Variants in HMGN5 observed in about 807,000 individuals in gnomAD.
HMGN5 encodes high mobility group nucleosome binding domain 5, also known as high mobility group nucleosome-binding domain-containing protein 5.
Under a neutral mutation model 9.5 loss-of-function variants are expected in HMGN5, and 4 were observed. That is an observed-to-expected ratio of 0.42 (90% CI 0.21 to 0.96). The LOEUF is 0.96. HMGN5 is among the 40% of genes least tolerant of loss of function. The pLI is 0.30. For synonymous variants in HMGN5, 55 were observed against 57.1 expected (o/e 0.96, Z 0.16); for missense variants, 192 against 187.5 (o/e 1.02, Z -0.14).
At chrX:81,163,656 A>C (rs1428112162) in intron 1 of HMGN5, among the ~76,000 whole-genome samples, 1 of 111,989 alleles carries the variant, frequency 8.9e-6, no homozygotes, top group Non-Finnish European at 1.9e-5. Context: ...AGTATTCTTC[A>C]ACCTTTCTAC....
intron 1 of HMGN5, among the ~76,000 whole-genome samples, chrX:81,186,705 T>G (rs2075478387): frequency 9.0e-6 from 1 of 111,415 alleles, no homozygotes; most frequent in Non-Finnish European, 1.9e-5. Context: ...ATTTTTTGGG[T>G]ACATAGTAGG....
chrX:81,163,749 G>C (rs1315501293), intron 1 of HMGN5, among the ~76,000 whole-genome samples: 1 of 111,487 alleles, frequency 9.0e-6, no homozygotes, highest in African/African-American at 3.3e-5. Context: ...AAGGATAAGA[G>C]GTATACATAA....
At chrX:81,148,928 A>T (rs184608560) in intron 1 of HMGN5, among the ~76,000 whole-genome samples, 2 of 112,178 alleles carry the variant, frequency 1.8e-5, no homozygotes, top group East Asian at 2.8e-4. Flanking sequence ...CCACAATGAG[A>T]TACCATTTCA....
intron 3 of HMGN5, 152 bp downstream of exon 3, chrX:81,119,636 C>T (rs1277888037): frequency 5.0e-6 from 2 of 398,923 alleles, no homozygotes; most frequent in Non-Finnish European, 8.7e-6. Flanking sequence ...TTCTGAAATT[C>T]GGATATATAT....
chrX:81,115,266 C>T, intron 6 of HMGN5, 36 bp from the exon 7 acceptor site: 2 of 1,110,774 alleles, frequency 1.8e-6, no homozygotes, highest in Non-Finnish European at 2.4e-6. Context: ...AAGATTCTGT[C>T]TGTAAATTTA....
chrX:81,158,901 A>G (rs779584742), intron 1 of HMGN5, among the ~76,000 whole-genome samples: 5 of 111,924 alleles, frequency 4.5e-5, no homozygotes, highest in Non-Finnish European at 5.6e-5. Flanking sequence ...CCAAAGGAAC[A>G]TAAATCATTC....
chrX:81,161,045 A>G (rs2075396653), intron 1 of HMGN5, among the ~76,000 whole-genome samples: 1 of 110,886 alleles, frequency 9.0e-6, no homozygotes, highest in Non-Finnish European at 1.9e-5. Context: ...CTGCTACCCC[A>G]TGTCATCCTG....
intron 1 of HMGN5, among the ~76,000 whole-genome samples, chrX:81,124,054 A>T (rs759318505): frequency 1.4e-3 from 161 of 112,554 alleles, no homozygotes; most frequent in African/African-American, 5.2e-3. Flanking sequence ...GCAAAGCATA[A>T]TGTGCAGGTC....
rs1187769090 is a variant in HMGN5, at chrX:81,116,246, GTCT to G, written c.222_224del (p.Glu74del). On this transcript the variant is annotated inframe_deletion, in exon 6 of 7. Transcript: ENST00000358130. ...CTCCATTTTTAGCATTTTCATTGTA[GTCT>G]TCTTCAACAACTGCTTCTTGCTTGG... 4 of 1,197,186 alleles carry G rather than the reference GTCT, an allele frequency of 3.3e-6. No individual in the cohort carries two copies. The Admixed American group carries it at 8.8e-5, about 26-fold the overall frequency.
intron 1 of HMGN5, among the ~76,000 whole-genome samples, chrX:81,124,878 C>T (rs2075278685): frequency 1.8e-5 from 2 of 110,584 alleles, no homozygotes; most frequent in Admixed American, 9.7e-5. Context: ...TACTACCACT[C>T]CCAAAATTTA....
At chrX:81,182,598 C>A (rs944623147) in intron 1 of HMGN5, among the ~76,000 whole-genome samples, 2 of 112,109 alleles carry the variant, frequency 1.8e-5, no homozygotes, top group African/African-American at 6.5e-5. Context: ...ATGTAAGACA[C>A]CTGTTTCTGA....
At chrX:81,153,583 C>CTATATA (rs34937225) in intron 1 of HMGN5, among the ~76,000 whole-genome samples, 2 of 6,141 alleles carry the variant, frequency 3.3e-4, no homozygotes, top group Non-Finnish European at 6.3e-4. Context: ...CTCTCTCTCT[C>CTATATA]TATATATATA....
At chrX:81,162,941 T>C (rs2075401594) in intron 1 of HMGN5, among the ~76,000 whole-genome samples, 1 of 111,542 alleles carries the variant, frequency 9.0e-6, no homozygotes, top group South Asian at 3.8e-4. Flanking sequence ...ACATGCTCTT[T>C]TGAACATGTG....
intron 1 of HMGN5, among the ~76,000 whole-genome samples, chrX:81,150,053 A>C (rs141445953): frequency 0.015 from 1,646 of 112,232 alleles, 30 homozygotes; most frequent in African/African-American, 0.05. Context: ...TATATAGACC[A>C]AATGATTCTA....
chrX:81,153,402 A>C (rs1306978345), intron 1 of HMGN5, among the ~76,000 whole-genome samples: 1 of 100,969 alleles, frequency 9.9e-6, no homozygotes, highest in Non-Finnish European at 2.0e-5. Context: ...AAAAATACAA[A>C]AATTAGCTAG....
chrX:81,178,117 G>T (rs1215980753), intron 1 of HMGN5, among the ~76,000 whole-genome samples: 1 of 111,752 alleles, frequency 8.9e-6, no homozygotes, highest in Non-Finnish European at 1.9e-5. Context: ...AAGCAGGAAA[G>T]ATCTCAAATC....
chrX:81,124,024 G>A (rs989873009), intron 1 of HMGN5, among the ~76,000 whole-genome samples: 1 of 111,992 alleles, frequency 8.9e-6, no homozygotes, highest in Non-Finnish European at 1.9e-5. Flanking sequence ...GAGGAGCCTT[G>A]GAAGGTAAAG....
Position 81,121,601 on chromosome X carries a change from A to G in HMGN5, c.-52T>C. 1 of 1,019,626 alleles carries G rather than the reference A, an allele frequency of 9.8e-7. No homozygotes were observed. The highest frequency in any genetic ancestry group is 1.3e-6 in the Non-Finnish European group (1 of 745,026). 84.0% of individuals were successfully genotyped at this position (1,019,626 alleles called of 1,213,427 possible). A position where few individuals can be genotyped will look rare whatever the true frequency, so the allele number is the denominator to read the frequency against. ...AGTCAGCAGAAAAAAAGCCGAAGGC[A>G]GTCACTGCCTGACTGCTCCAAGAGC... On this transcript the variant is annotated 5_prime_UTR_variant, in exon 2 of 7. Transcript: ENST00000358130.
chrX:81,173,407 A>G (rs1336353748), intron 1 of HMGN5, among the ~76,000 whole-genome samples: 1 of 111,628 alleles, frequency 9.0e-6, no homozygotes, highest in African/African-American at 3.2e-5. Context: ...AAAAGCAGTT[A>G]ATGGAGGGGT....
Sources: allele counts gnomAD v4.1 joint callset (sites outside exome capture counted in the v4.1 genomes callset), GRCh38; gene constraint gnomAD v4.1.1; transcripts MANE v1.5; gene names NCBI Gene and HGNC (gene_info 2026-07-23, HGNC 2026-07-21).